The following SEL1L2 variants were observed in gnomAD, a reference collection of about 807,000 sequenced individuals.
SEL1L2 encodes SEL1L2 adaptor subunit of SYVN1 ubiquitin ligase.
A neutral mutation model predicts 98.8 loss-of-function variants in SEL1L2; 89 were observed. That is an observed-to-expected ratio of 0.90 (90% CI 0.76 to 1.07). The LOEUF is 1.07. SEL1L2 is among the 50% of genes least tolerant of loss of function. The pLI is 0.00. For synonymous variants in SEL1L2, 262 were observed against 278.5 expected, an observed-to-expected ratio of 0.94 and a Z score of 0.59; for missense variants, 788 against 812.0, an observed-to-expected ratio of 0.97 and a Z score of 0.36.
chr20:13,938,336 C>T (rs1394049260), intron 2 of SEL1L2, among the ~76,000 whole-genome samples: 4 of 152,110 alleles, frequency 2.6e-5, no homozygotes, highest in Non-Finnish European at 5.9e-5. Flanking sequence ...ACCTCGGCCT[C>T]CCAAAGTGCT....
chr20:13,938,887 T>C (rs1418442188), intron 2 of SEL1L2, among the ~76,000 whole-genome samples: 1 of 151,992 alleles, frequency 6.6e-6, no homozygotes, highest in Non-Finnish European at 1.5e-5. Flanking sequence ...TGTTTTTCTG[T>C]TTCAGATTCT....
At chr20:13,892,183 C>T (rs1364438282) in intron 5 of SEL1L2, among the ~76,000 whole-genome samples, 3 of 152,046 alleles carry the variant, frequency 2.0e-5, no homozygotes, top group African/African-American at 7.2e-5. Flanking sequence ...TCCATTGTGC[C>T]TCATGCCTGT....
chr20:13,969,401 T>C (rs763346829), intron 1 of SEL1L2, among the ~76,000 whole-genome samples: 2 of 152,190 alleles, frequency 1.3e-5, no homozygotes, highest in Non-Finnish European at 2.9e-5. Flanking sequence ...TAAAACATTG[T>C]TGTGTTTTGT....
At chr20:13,923,011 T>C (rs2048729465) in intron 3 of SEL1L2, among the ~76,000 whole-genome samples, 1 of 152,168 alleles carries the variant, frequency 6.6e-6, no homozygotes, top group Non-Finnish European at 1.5e-5. Flanking sequence ...GGCTGGGCTG[T>C]TACATCCCGA....
At chr20:13,872,750 G>T (rs1568864315) in intron 12 of SEL1L2, among the ~76,000 whole-genome samples, 1 of 151,700 alleles carries the variant, frequency 6.6e-6, no homozygotes, top group Non-Finnish European at 1.5e-5. Flanking sequence ...CACTGTTTAA[G>T]GCCCAGTGTG....
intron 5 of SEL1L2, among the ~76,000 whole-genome samples, chr20:13,896,977 T>C (rs1313735115): frequency 6.6e-6 from 1 of 152,064 alleles, no homozygotes; most frequent in South Asian, 2.1e-4. Flanking sequence ...AAAAACAAAA[T>C]GGGAGGCCTC....
chr20:13,902,469 A>T (rs2047725069), intron 5 of SEL1L2, among the ~76,000 whole-genome samples: 1 of 152,114 alleles, frequency 6.6e-6, no homozygotes, highest in Non-Finnish European at 1.5e-5. Context: ...GAACAAATGG[A>T]TTTAAATGAT....
chr20:13,993,908 T>C (rs1219674612), upstream of SEL1L2, among the ~76,000 whole-genome samples: 2 of 152,348 alleles, frequency 1.3e-5, no homozygotes, highest in East Asian at 1.9e-4. Context: ...TTTCTATTTC[T>C]AGTGCCAATA....
At chr20:13,867,653 G>A (rs2045988553) in intron 14 of SEL1L2, among the ~76,000 whole-genome samples, 2 of 152,072 alleles carry the variant, frequency 1.3e-5, no homozygotes, top group South Asian at 4.1e-4. Flanking sequence ...ATACACTGTG[G>A]GATACCCGGT....
At position 13,966,464 on chromosome 20, in the gene SEL1L2, G is replaced by A. The variant is rs563242366; in HGVS notation, c.59-10333C>T. On this transcript the variant is annotated intron_variant, in intron 1 of 19. Coordinates refer to ENST00000284951, the MANE Select transcript of SEL1L2 (RefSeq NM_025229.2). ...CTCTTGAGTAGCAGGAATTACAGGCGCCCATTACCACACCCAGCTAATTTT... is the reference window on the plus strand; with the variant it reads ...CTCTTGAGTAGCAGGAATTACAGGCACCCATTACCACACCCAGCTAATTTT... Among the ~76,000 whole-genome samples the A allele has an allele frequency of 1.5e-3, 223 of 151,878 alleles. 3 individuals carry two copies. Among genetic ancestry groups the A allele is most frequent in the Non-Finnish European group, 2.4e-3 (165 of 67,942 alleles).
At chr20:13,920,586 TAC>T (rs3042762) in intron 3 of SEL1L2, among the ~76,000 whole-genome samples, 72,117 of 150,286 alleles carry the variant, frequency 0.48, 17,342 homozygotes, top group African/African-American at 0.55. Context: ...CACTCTCACA[TAC>T]ACACACACAC....
intron 2 of SEL1L2, among the ~76,000 whole-genome samples, chr20:13,955,516 GA>G (rs1221645584): frequency 6.6e-6 from 1 of 151,768 alleles, no homozygotes; most frequent in East Asian, 1.9e-4. Context: ...TGATATCAGA[GA>G]AAAAAAACCA....
intron 10 of SEL1L2, among the ~76,000 whole-genome samples, chr20:13,879,003 A>G (rs1188205730): frequency 1.3e-5 from 2 of 152,240 alleles, no homozygotes; most frequent in African/African-American, 2.4e-5. Context: ...TCTTCACAAT[A>G]GCACCATCAG....
chr20:13,896,627 T>C (rs752057473), intron 5 of SEL1L2, among the ~76,000 whole-genome samples: 4 of 146,398 alleles, frequency 2.7e-5, no homozygotes, highest in Non-Finnish European at 4.5e-5. Context: ...AAGAAAAAAA[T>C]CCAAGGAAGA....
At chr20:13,900,511 A>G (rs912390161) in intron 5 of SEL1L2, among the ~76,000 whole-genome samples, 1 of 152,188 alleles carries the variant, frequency 6.6e-6, no homozygotes, top group African/African-American at 2.4e-5. Flanking sequence ...GAAAAACAAA[A>G]AACAGTTGGA....
intron 5 of SEL1L2, among the ~76,000 whole-genome samples, chr20:13,911,876 G>A (rs1228681045): frequency 1.3e-5 from 2 of 151,794 alleles, no homozygotes; most frequent in Admixed American, 1.3e-4. Flanking sequence ...TATATCCTTT[G>A]ACCAATATCT....
chr20:13,860,842 C>T (rs1990003012), intron 17 of SEL1L2, among the ~76,000 whole-genome samples: 1 of 152,164 alleles, frequency 6.6e-6, no homozygotes, highest in Non-Finnish European at 1.5e-5. Flanking sequence ...GATGTCTCCA[C>T]TTGGATTTCA....
intron 2 of SEL1L2, among the ~76,000 whole-genome samples, chr20:13,944,141 T>G (rs935243915): frequency 5.9e-5 from 9 of 152,050 alleles, no homozygotes; most frequent in African/African-American, 2.2e-4. Context: ...GGCCCTGAGG[T>G]AGACAGACTT....
Position 13,850,097 on chromosome 20 carries a change from A to C in SEL1L2, c.1947+94T>G, listed in dbSNP as rs1600427760. 1.4e-5 allele frequency: 20 copies of C among 1,462,368 alleles called. No individual in the cohort carries two copies. The East Asian group carries it at 4.6e-4, about 34-fold the overall frequency. The allele number at this position is 1,462,368 out of a possible 1,614,324, so 90.6% of individuals were successfully genotyped here. ...TTACTTCTCAAAGGAAAGCCAGTCC[A>C]CAAGAGACTCCCTGATGGGCCTTGT... is the stretch of plus-strand genomic sequence containing the variant. On this transcript the variant is annotated intron_variant, in intron 19 of 19. Transcript: ENST00000284951.
Sources: gnomAD v4.1 joint callset for allele counts (sites outside exome capture counted in the v4.1 genomes callset) on GRCh38, gnomAD v4.1.1 for gene constraint, MANE v1.5 for transcripts, NCBI Gene and HGNC (gene_info 2026-07-23, HGNC 2026-07-21) for gene names.